Variants in PAIP2B observed in about 807,000 individuals in gnomAD.
The protein encoded by PAIP2B is polyadenylate-binding protein-interacting protein 2B.
Under a neutral mutation model 17.0 loss-of-function variants are expected in PAIP2B, and 13 were observed. The ratio of observed to expected loss-of-function variants is 0.76; its 90% CI spans 0.50 to 1.22. The LOEUF (loss-of-function observed/expected upper bound fraction) is 1.22. PAIP2B is among the 50% of genes most tolerant of loss of function. The probability of loss-of-function intolerance (pLI) is 0.00; values close to 1 mark genes in which losing one functional copy is unlikely to be tolerated. For synonymous variants in PAIP2B, 43 were observed against 48.7 expected (o/e 0.88, Z 0.48); for missense variants, 117 against 144.5 (o/e 0.81, Z 0.98).
intron 2 of PAIP2B, among the ~76,000 whole-genome samples, chr2:71,201,015 GTGTGTGTGTGTGTGT>G (rs1674970484): frequency 6.8e-6 from 1 of 146,880 alleles, no homozygotes; most frequent in Non-Finnish European, 1.5e-5. Context: ...GTGGGTGTGT[GTGTGTGTGTGTGTGT>G]GTGTGTGTGT....
intron 2 of PAIP2B, among the ~76,000 whole-genome samples, chr2:71,193,779 G>A (rs1229983218): frequency 1.3e-5 from 2 of 152,090 alleles, no homozygotes; most frequent in East Asian, 1.9e-4. Context: ...GCGAGAATCC[G>A]GGAGGCGGAG....
chr2:71,193,001 G>A (rs544825161), intron 2 of PAIP2B, among the ~76,000 whole-genome samples: 10 of 152,264 alleles, frequency 6.6e-5, no homozygotes, highest in Non-Finnish European at 1.3e-4. Flanking sequence ...GCTCTTTGAG[G>A]AATCGCCATA....
At chr2:71,213,158 T>C (rs904470665) in intron 1 of PAIP2B, among the ~76,000 whole-genome samples, 2 of 152,134 alleles carry the variant, frequency 1.3e-5, no homozygotes, top group African/African-American at 2.4e-5. Context: ...TTACGAGCTG[T>C]ATAATAAGAA....
At chr2:71,221,197 A>T (rs1675571303) in intron 1 of PAIP2B, among the ~76,000 whole-genome samples, 1 of 152,256 alleles carries the variant, frequency 6.6e-6, no homozygotes, top group African/African-American at 2.4e-5. Context: ...GGCCAAGCCC[A>T]TTCATAGTTT....
Position 71,187,829 on chromosome 2 carries a change from A to T in PAIP2B, c.*650T>A, listed in dbSNP as rs1388188535. 1 of 152,848 alleles carries T rather than the reference A, an allele frequency of 6.5e-6. No individual in the cohort carries two copies. The highest frequency in any genetic ancestry group is 1.5e-5 in the Non-Finnish European group (1 of 68,482). The allele number at this position is 152,848 out of a possible 1,614,324, so 9.5% of individuals were successfully genotyped here. A position where few individuals can be genotyped will look rare whatever the true frequency, so the allele number is the denominator to read the frequency against. On this transcript the variant is annotated 3_prime_UTR_variant, in exon 4 of 4. Coordinates refer to ENST00000244221, the MANE Select transcript of PAIP2B (RefSeq NM_020459.1). ...AATGACTCAAGTGACAACCACCATC[A>T]CAGCCCTACCTTCTGATTTACAACT...
At chr2:71,224,644 G>C (rs916265454) in intron 1 of PAIP2B, among the ~76,000 whole-genome samples, 5 of 152,162 alleles carry the variant, frequency 3.3e-5, no homozygotes, top group African/African-American at 1.2e-4. Flanking sequence ...ACTTCAGGAA[G>C]TCTAGAGCAG....
intron 1 of PAIP2B, among the ~76,000 whole-genome samples, chr2:71,211,208 G>A (rs972240280): frequency 2.0e-5 from 3 of 151,436 alleles, no homozygotes; most frequent in African/African-American, 7.3e-5. Context: ...GCAGTGAGCC[G>A]AGATTGCACC....
chr2:71,202,784 A>T (rs1343403345), intron 1 of PAIP2B, among the ~76,000 whole-genome samples, 184 bp from the exon 2 acceptor site: 2 of 152,200 alleles, frequency 1.3e-5, no homozygotes, highest in African/African-American at 4.8e-5. Context: ...TCAACTAGAC[A>T]GATGTACAAT....
chr2:71,222,621 A>T (rs1675615841), intron 1 of PAIP2B, among the ~76,000 whole-genome samples: 1 of 152,216 alleles, frequency 6.6e-6, no homozygotes, highest in African/African-American at 2.4e-5. Context: ...CCAAGTTTAC[A>T]TTCAGCCCTC....
chr2:71,209,610 T>C (rs533652477), intron 1 of PAIP2B, among the ~76,000 whole-genome samples: 2 of 152,178 alleles, frequency 1.3e-5, no homozygotes, highest in South Asian at 4.1e-4. Context: ...TTCACTTCCC[T>C]GGTAGCAGGA....
chr2:71,200,563 C>A (rs542989743), intron 2 of PAIP2B, among the ~76,000 whole-genome samples: 10 of 152,262 alleles, frequency 6.6e-5, no homozygotes, highest in African/African-American at 2.4e-4. Flanking sequence ...ACCAGCCTAG[C>A]CAACATGGCG....
At chr2:71,205,897 G>C (rs1185640772) in intron 1 of PAIP2B, among the ~76,000 whole-genome samples, 3 of 152,132 alleles carry the variant, frequency 2.0e-5, no homozygotes, top group Non-Finnish European at 4.4e-5. Context: ...GCTCATGGGA[G>C]AGGAAATGAA....
chr2:71,214,392 A>G (rs1269550188), intron 1 of PAIP2B, among the ~76,000 whole-genome samples: 3 of 152,202 alleles, frequency 2.0e-5, no homozygotes, highest in African/African-American at 7.2e-5. Context: ...TTGGAAGGAA[A>G]ACACAAACCA....
At chr2:71,219,738 A>C (rs1675529536) in intron 1 of PAIP2B, among the ~76,000 whole-genome samples, 1 of 152,130 alleles carries the variant, frequency 6.6e-6, no homozygotes, top group African/African-American at 2.4e-5. Context: ...TAGTTCAAAA[A>C]TATTTAAAAT....
intron 1 of PAIP2B, among the ~76,000 whole-genome samples, chr2:71,209,848 G>T (rs1348569171): frequency 1.3e-5 from 2 of 150,832 alleles, no homozygotes. Flanking sequence ...TTTTAAGATG[G>T]AGTCTCACTC....
At chr2:71,211,258 CAAA>C (rs34543785) in intron 1 of PAIP2B, among the ~76,000 whole-genome samples, 1 of 126,936 alleles carries the variant, frequency 7.9e-6, no homozygotes, top group Non-Finnish European at 1.7e-5. Flanking sequence ...AGACTTGTCT[CAAA>C]AAAAAAAAAA....
intron 2 of PAIP2B, among the ~76,000 whole-genome samples, chr2:71,201,008 G>GTGTGT (rs1674967984): frequency 3.1e-5 from 1 of 32,308 alleles, no homozygotes; most frequent in Non-Finnish European, 8.5e-5. Context: ...TGTGTGTGTG[G>GTGTGT]GTGTGTGTGT....
In PAIP2B at chr2:71,186,308, A is replaced by G. The variant is rs531651502; in HGVS notation, c.*2171T>C. 9 of 152,396 alleles carry G rather than the reference A, an allele frequency of 5.9e-5. No individual in the cohort carries two copies. Among genetic ancestry groups the G allele is most frequent in the African/African-American group, 2.2e-4 (9 of 41,592 alleles). The allele number at this position is 152,396 out of a possible 1,614,324, so 9.4% of individuals were successfully genotyped here. On this transcript the variant is annotated 3_prime_UTR_variant, in exon 4 of 4. Coordinates refer to ENST00000244221, the MANE Select transcript of PAIP2B (RefSeq NM_020459.1). Reference sequence around the variant, plus strand: ...TTGGACTACAAGAGGAACCGCCGGAAGCAGAGTCCTATGCATTTAAAAAAG... The same window carrying G: ...TTGGACTACAAGAGGAACCGCCGGAGGCAGAGTCCTATGCATTTAAAAAAG...
intron 1 of PAIP2B, among the ~76,000 whole-genome samples, chr2:71,203,550 T>A (rs928993770): frequency 1.3e-5 from 2 of 151,964 alleles, no homozygotes; most frequent in Non-Finnish European, 2.9e-5. Flanking sequence ...AAAACTTGCA[T>A]TTTTTTACAT....
Sources: allele counts gnomAD v4.1 joint callset (sites outside exome capture counted in the v4.1 genomes callset), GRCh38; gene constraint gnomAD v4.1.1; transcripts MANE v1.5; gene names NCBI Gene and HGNC (gene_info 2026-07-23, HGNC 2026-07-21).